CD46: variants seen among roughly 807,000 people sequenced by gnomAD.
CD46 encodes CD46 molecule, also known as membrane cofactor protein.
Under a neutral mutation model 53.3 loss-of-function variants are expected in CD46, and 30 were observed. That is an observed-to-expected ratio of 0.56 (90% CI 0.42 to 0.76). The LOEUF is 0.76. CD46 is among the 30% of genes least tolerant of loss of function. The pLI is 0.00. For missense variants in CD46, 409 were observed against 463.0 expected (o/e 0.88, Z 1.07); for synonymous variants, 142 against 152.0 (o/e 0.93, Z 0.48).
chr1:207,773,114 G>C (rs1157140723), intron 8 of CD46, among the ~76,000 whole-genome samples: 2 of 152,066 alleles, frequency 1.3e-5, no homozygotes, highest in Admixed American at 6.5e-5. Context: ...AACCTTTCCT[G>C]GTTTAGTCTT....
intron 8 of CD46, among the ~76,000 whole-genome samples, chr1:207,773,324 G>T (rs1305613848): frequency 6.6e-6 from 1 of 151,646 alleles, no homozygotes; most frequent in Non-Finnish European, 1.5e-5. Context: ...GGTCATTTTT[G>T]TTGATCTTTT....
rs1655087896 is a variant in CD46 at position 207,752,936 on chromosome 1, G to C, written c.97+627G>C. On this transcript the variant is annotated intron_variant, in intron 1 of 12. Coordinates refer to ENST00000367042, the MANE Select transcript of CD46 (RefSeq NM_172351.3). The surrounding 1 kb of genome is among the most constrained non-coding windows in gnomAD (Gnocchi z 4.1). ...GGAGTGAGCGCGGACTCTGGGGCTAGGGAGGGCATGTTGAGTGAGAGCAGG... is the reference window on the plus strand; with the variant it reads ...GGAGTGAGCGCGGACTCTGGGGCTACGGAGGGCATGTTGAGTGAGAGCAGG... Among the ~76,000 whole-genome samples the C allele has an allele frequency of 6.6e-6, 1 of 152,114 alleles. No individual in the cohort carries two copies. Among genetic ancestry groups the C allele is most frequent in the Non-Finnish European group, 1.5e-5 (1 of 68,016 alleles).
At chr1:207,772,986 C>T (rs977351916) in intron 8 of CD46, among the ~76,000 whole-genome samples, 2 of 152,202 alleles carry the variant, frequency 1.3e-5, no homozygotes, top group Non-Finnish European at 2.9e-5. Context: ...ACCAGCTCCT[C>T]TTTGTAGATC....
At chr1:207,787,559 T>C (rs868801989) in intron 11 of CD46, among the ~76,000 whole-genome samples, 2 of 152,174 alleles carry the variant, frequency 1.3e-5, no homozygotes, top group African/African-American at 2.4e-5. Context: ...TTTGGGAAGG[T>C]ATGATATCTT....
intron 8 of CD46, among the ~76,000 whole-genome samples, chr1:207,773,683 G>A (rs1657772246): frequency 6.6e-6 from 1 of 152,140 alleles, no homozygotes; most frequent in East Asian, 1.9e-4. Context: ...AGGTTGTTCA[G>A]TTTCCATGTA....
chr1:207,779,924 T>TTTTTTTTTTTTTTTTG (rs1658556047), intron 8 of CD46, among the ~76,000 whole-genome samples: 1 of 146,454 alleles, frequency 6.8e-6, no homozygotes, highest in African/African-American at 2.5e-5. Flanking sequence ...TTTTTTTTTT[T>TTTTTTTTTTTTTTTTG]TTTTTTTTAC....
chr1:207,763,928 G>A (rs1003328381), intron 5 of CD46, among the ~76,000 whole-genome samples: 22 of 144,472 alleles, frequency 1.5e-4, no homozygotes, highest in Non-Finnish European at 6.0e-5. Flanking sequence ...CTTGGTCAAA[G>A]TGGGGAAAAC....
chr1:207,756,364 C>T (rs1558043233), intron 1 of CD46, among the ~76,000 whole-genome samples: 1 of 152,200 alleles, frequency 6.6e-6, no homozygotes. Flanking sequence ...ACGTTATTAC[C>T]TGTCCTTTTA....
chr1:207,756,408 A>G (rs1655544853), intron 1 of CD46, among the ~76,000 whole-genome samples: 1 of 152,214 alleles, frequency 6.6e-6, no homozygotes, highest in Non-Finnish European at 1.5e-5. Flanking sequence ...ACTTAGCACA[A>G]CATGAATCCA....
Position 207,785,107 on chromosome 1 carries a change from G to T in CD46, c.1018+1G>T. The T allele has an allele frequency of 6.2e-7, 1 of 1,610,730 alleles. No individual in the cohort carries two copies. Among genetic ancestry groups the T allele is most frequent in the Non-Finnish European group, 8.5e-7 (1 of 1,177,106 alleles). On this transcript the variant is annotated splice_donor_variant, in intron 10 of 12. Coordinates refer to ENST00000367042, the MANE Select transcript of CD46 (RefSeq NM_172351.3). LOFTEE classifies it high-confidence loss of function. Reference sequence around the variant, plus strand: ...ATTGCTGTGATTGTTATTGCCATAGGTAAGTATCACAAATTTTGACACCAC... The same window carrying T: ...ATTGCTGTGATTGTTATTGCCATAGTTAAGTATCACAAATTTTGACACCAC...
At position 207,770,336 on chromosome 1, in the gene CD46, A is replaced by G. The variant is rs765335431; in HGVS notation, c.917A>G (p.Tyr306Cys). 1.9e-6 allele frequency: 3 copies of G among 1,605,888 alleles called. No individual in the cohort carries two copies. Among genetic ancestry groups the G allele is most frequent in the Non-Finnish European group, 2.6e-6 (3 of 1,172,920 alleles). ...ASSASGPRPT[Y>C]KPPVSNYPGY... is the part of the protein sequence containing the mutation. Reference sequence around the variant, plus strand: ...ATTTTTCTAGGTCCTAGGCCTACTTACAAGCCTCCAGTCTCAAATTATCCA... The same window carrying G: ...ATTTTTCTAGGTCCTAGGCCTACTTGCAAGCCTCCAGTCTCAAATTATCCA... Residue 306 changes from tyrosine to cysteine, a missense_variant, in exon 8 of 13, where the codon TAC becomes TGC. Transcript: ENST00000367042.
intron 4 of CD46, 31 bp from the exon 5 acceptor site, chr1:207,761,218 A>G (rs1244141730): frequency 1.4e-6 from 2 of 1,420,632 alleles, no homozygotes; most frequent in Non-Finnish European, 2.0e-6. Context: ...AATCTTTTAC[A>G]TTTCCTTTCC....
chr1:207,792,283 G>GA (rs1331327257), intron 12 of CD46, among the ~76,000 whole-genome samples: 1 of 151,192 alleles, frequency 6.6e-6, no homozygotes, highest in Non-Finnish European at 1.5e-5. Context: ...TGTCTCAAAG[G>GA]AAAAAAAATA....
chr1:207,752,566 G>A lies in CD46; in HGVS notation c.97+257G>A, dbSNP rs1366962588. ...ATCTGGCTGCGTCCCTAAAAAAAGC[G>A]TGAATCGTGTTTTCGGGATTGAGCC... is the stretch of plus-strand genomic sequence containing the variant. On this transcript the variant is annotated intron_variant, in intron 1 of 12. Coordinates refer to ENST00000367042, the MANE Select transcript of CD46 (RefSeq NM_172351.3). This position sits in a 1 kb window ranked among gnomAD's most constrained non-coding sequence, Gnocchi z 4.1. 6.6e-6 allele frequency among the ~76,000 whole-genome samples: 1 copy of A among 152,164 alleles called. No individual in the cohort carries two copies. Among genetic ancestry groups the A allele is most frequent in the Non-Finnish European group, 1.5e-5 (1 of 68,022 alleles).
Position 207,767,344 on chromosome 1 carries a change from T to C in CD46, c.856+149T>C, listed in dbSNP as rs41317819. 2,880 of 789,334 alleles carry C rather than the reference T, an allele frequency of 3.6e-3. 58 individuals carry two copies. The African/African-American group carries it at 0.044, about 12-fold the overall frequency. 48.9% of individuals were successfully genotyped at this position (789,334 alleles called of 1,614,324 possible). On this transcript the variant is annotated intron_variant, in intron 6 of 12. Coordinates refer to ENST00000367042, the MANE Select transcript of CD46 (RefSeq NM_172351.3). ...TAACTCTGTCTTGTATTCATTTCTA[T>C]GCCAGATGAATGACACGAAATTCAC...
At chr1:207,791,823 AGTT>A (rs1356365234) in intron 12 of CD46, among the ~76,000 whole-genome samples, 1 of 152,238 alleles carries the variant, frequency 6.6e-6, no homozygotes, top group Non-Finnish European at 1.5e-5. Context: ...TGAATGCTGT[AGTT>A]AATATTTTGC....
Position 207,793,590 on chromosome 1 carries a change from G to A in CD46, c.*113G>A. The A allele has an allele frequency of 6.2e-7, 1 of 1,613,318 alleles. No individual in the cohort carries two copies. Among genetic ancestry groups the A allele is most frequent in the Non-Finnish European group, 8.5e-7 (1 of 1,179,272 alleles). ...ACCACTCCAGCAGAGCAGAGAGGCTGAATAGATTCCACAACCTGGTTTGCC... is the reference window on the plus strand; with the variant it reads ...ACCACTCCAGCAGAGCAGAGAGGCTAAATAGATTCCACAACCTGGTTTGCC... On this transcript the variant is annotated 3_prime_UTR_variant, in exon 13 of 13. Transcript: ENST00000367042.
intron 1 of CD46, among the ~76,000 whole-genome samples, chr1:207,753,085 G>A (rs1230927133): frequency 6.6e-6 from 1 of 150,622 alleles, no homozygotes; most frequent in Non-Finnish European, 1.5e-5. Context: ...TGGGGGGTGG[G>A]TGGGCCATCG....
chr1:207,766,319 C>T (rs1181744896), intron 5 of CD46, among the ~76,000 whole-genome samples: 1 of 152,058 alleles, frequency 6.6e-6, no homozygotes, highest in African/African-American at 2.4e-5. Context: ...AATAAACCAA[C>T]CTTTACAAAT....
Sources: gnomAD v4.1 joint callset for allele counts (sites outside exome capture counted in the v4.1 genomes callset) on GRCh38, gnomAD v4.1.1 for gene constraint, Gnocchi (gnomAD v3.1) non-coding constraint, MANE v1.5 for transcripts, NCBI Gene and HGNC (gene_info 2026-07-23, HGNC 2026-07-21) for gene names.